Variants in UTRN observed in about 807,000 individuals in gnomAD.
The protein encoded by UTRN is dystrophin-related protein 1.
In UTRN, 283 loss-of-function variants were observed where a neutral mutation model predicts 463.9. The observed-to-expected ratio is 0.61, with a 90% CI of 0.55 to 0.67. The LOEUF (loss-of-function observed/expected upper bound fraction) is 0.67, where lower values mean the gene tolerates loss of function less well. Ranked by LOEUF, UTRN falls within the 30% of genes least tolerant of loss-of-function variation. The probability of loss-of-function intolerance (pLI) is 0.00; values close to 1 mark genes in which losing one functional copy is unlikely to be tolerated. For synonymous variants in UTRN, 1,442 were observed against 1,431.5 expected (o/e 1.01, Z -0.17); for missense variants, 3,922 against 4,084.3 (o/e 0.96, Z 1.08).
chr6:144,426,193 A>AG, intron 6 of UTRN, 94 bp from the exon 7 acceptor site: 1 of 1,422,292 alleles, frequency 7.0e-7, no homozygotes, highest in Non-Finnish European at 9.5e-7. Context: ...ATGGTTAATT[A>AG]GTGCAATATT....
Position 144,510,488 on chromosome 6 carries a change from A to G in UTRN, c.4765-456A>G, listed in dbSNP as rs117935235. Among the ~76,000 whole-genome samples, 4 of 152,308 alleles carry G rather than the reference A, an allele frequency of 2.6e-5. No homozygotes were observed. The East Asian group carries it at 5.8e-4, about 22-fold the overall frequency. ...TAAGATGTTATCCTTGCAAGTACCT[A>G]TAGTACACATCGATAGTTTCCTCTG... On this transcript the variant is annotated intron_variant, in intron 34 of 74. Coordinates refer to ENST00000367545, the MANE Select transcript of UTRN (RefSeq NM_007124.3).
chr6:144,573,673 G>C (rs902146385), intron 50 of UTRN, among the ~76,000 whole-genome samples: 1 of 151,434 alleles, frequency 6.6e-6, no homozygotes, highest in African/African-American at 2.4e-5. Context: ...TCCAGCCTTG[G>C]TGACAGAGCA....
intron 2 of UTRN, among the ~76,000 whole-genome samples, chr6:144,308,802 G>T (rs999715491): frequency 3.3e-5 from 5 of 152,186 alleles, no homozygotes; most frequent in East Asian, 1.9e-4. Flanking sequence ...TTACAAACAT[G>T]CTATTGTTTT....
chr6:144,547,080 A>G (rs1798481946), intron 46 of UTRN, among the ~76,000 whole-genome samples: 1 of 152,214 alleles, frequency 6.6e-6, no homozygotes, highest in African/African-American at 2.4e-5. Flanking sequence ...ATCTTAACCT[A>G]GAGCTTCTCA....
intron 51 of UTRN, among the ~76,000 whole-genome samples, chr6:144,645,620 A>G (rs919192944): frequency 2.6e-5 from 4 of 152,252 alleles, no homozygotes; most frequent in African/African-American, 9.6e-5. Context: ...GAGGAAATGC[A>G]TAAGAATCTG....
At chr6:144,631,883 T>C (rs899875356) in intron 51 of UTRN, among the ~76,000 whole-genome samples, 2 of 152,202 alleles carry the variant, frequency 1.3e-5, no homozygotes, top group African/African-American at 4.8e-5. Flanking sequence ...TTAGAGGGAA[T>C]GGAGGCTAAA....
At chr6:144,700,739 G>GTT (rs564541879) in intron 53 of UTRN, among the ~76,000 whole-genome samples, 4 of 137,232 alleles carry the variant, frequency 2.9e-5, no homozygotes, top group African/African-American at 8.0e-5. Context: ...AACTAACTTT[G>GTT]TTTTTTTTTT....
intron 39 of UTRN, among the ~76,000 whole-genome samples, chr6:144,521,294 C>T (rs531041498): frequency 1.5e-4 from 23 of 151,602 alleles, no homozygotes; most frequent in Admixed American, 4.6e-4. Context: ...CTGCACCCCC[C>T]CAAAAAAATA....
rs779829056 is a variant in UTRN, at chr6:144,577,118, G to T, written c.7309G>T (p.Ala2437Ser). Residue 2437 changes from alanine (A) to serine (S), a missense_variant, in exon 51 of 75, where the codon GCC becomes TCC. Physicochemically the swap from Ala to Ser is moderately conservative, Grantham distance 99. Coordinates refer to ENST00000367545, the MANE Select transcript of UTRN (RefSeq NM_007124.3). The stretch of plus-strand genomic sequence containing the variant: ...TTTCAGTATTGCTGACAGACAGAAC[G>T]CCTTGGAGGCTGAGTGGAGGACGGT... ...LKQSIADRQN[A>S]LEAEWRTVQA... 1.5e-5 allele frequency: 25 copies of T among 1,613,616 alleles called. No individual in the cohort carries two copies. Among genetic ancestry groups the T allele is most frequent in the Non-Finnish European group, 2.0e-5 (24 of 1,179,732 alleles).
At chr6:144,633,801 A>G (rs1776807211) in intron 51 of UTRN, among the ~76,000 whole-genome samples, 1 of 152,238 alleles carries the variant, frequency 6.6e-6, no homozygotes, top group African/African-American at 2.4e-5. Context: ...AAATTCTTTT[A>G]AAATGGTTTT....
At chr6:144,323,110 TA>T (rs1257428647) in intron 2 of UTRN, among the ~76,000 whole-genome samples, 4 of 152,116 alleles carry the variant, frequency 2.6e-5, no homozygotes, top group Non-Finnish European at 2.9e-5. Context: ...AAATCCAGTT[TA>T]AATGTGGAGA....
At chr6:144,442,911 A>G (rs923075981) in intron 13 of UTRN, among the ~76,000 whole-genome samples, 21 of 152,152 alleles carry the variant, frequency 1.4e-4, no homozygotes, top group African/African-American at 4.6e-4. Flanking sequence ...TCTACCCACT[A>G]CCTAAATCTA....
intron 58 of UTRN, among the ~76,000 whole-genome samples, chr6:144,763,808 G>A (rs141429458): frequency 2.3e-3 from 355 of 152,232 alleles, no homozygotes; most frequent in African/African-American, 8.1e-3. Context: ...GAATAAACCC[G>A]TAACAAAGGT....
intron 69 of UTRN, among the ~76,000 whole-genome samples, chr6:144,834,485 A>T (rs1780938057): frequency 6.6e-6 from 1 of 152,234 alleles, no homozygotes; most frequent in African/African-American, 2.4e-5. Flanking sequence ...CTCAATGCTT[A>T]GGATAAACCT....
At chr6:144,508,518 T>C (rs1217509618) in intron 34 of UTRN, among the ~76,000 whole-genome samples, 1 of 152,192 alleles carries the variant, frequency 6.6e-6, no homozygotes, top group Non-Finnish European at 1.5e-5. Flanking sequence ...CCCCAACCTC[T>C]TGCGCTTCCC....
In UTRN at chr6:144,533,100, A is replaced by T. The variant is rs149019901; in HGVS notation, c.6073A>T (p.Ile2025Phe). Residue 2025 changes from isoleucine to phenylalanine, a missense_variant, in exon 43 of 75, where the codon ATC (isoleucine) becomes TTC (phenylalanine). Around this residue, in one of 3 missense-constraint regions of UTRN, gnomAD observed 2,349 missense variants for 2,303.8 expected, o/e 1.02. Coordinates refer to ENST00000367545, the MANE Select transcript of UTRN (RefSeq NM_007124.3). ...RIHQQELEVG[I>F]SSHQPSFAAL... The stretch of plus-strand genomic sequence containing the variant: ...TCTGTTACAGGAACTTGAGGTGGGC[A>T]TCAGCAGCCACCAGCCCAGTTTTGC... The T allele has an allele frequency of 2.5e-6, 4 of 1,603,588 alleles. No individual in the cohort carries two copies. Among genetic ancestry groups the T allele is most frequent in the Admixed American group, 1.7e-5 (1 of 59,932 alleles).
intron 54 of UTRN, among the ~76,000 whole-genome samples, chr6:144,741,632 G>T (rs755438103): frequency 6.6e-6 from 1 of 152,166 alleles, no homozygotes; most frequent in South Asian, 2.1e-4. Context: ...CAGCCCAAAG[G>T]AATTCACTTG....
chr6:144,346,346 G>A (rs181931251), intron 2 of UTRN, among the ~76,000 whole-genome samples: 5 of 152,158 alleles, frequency 3.3e-5, no homozygotes, highest in African/African-American at 1.2e-4. Flanking sequence ...AAATTAAAAT[G>A]TATTTCAGTG....
At chr6:144,390,448 C>A (rs1159269828) in intron 2 of UTRN, among the ~76,000 whole-genome samples, 2 of 152,210 alleles carry the variant, frequency 1.3e-5, no homozygotes, top group Non-Finnish European at 2.9e-5. Flanking sequence ...TCATGTCACG[C>A]TCTTGCTCAG....
Sources: allele counts gnomAD v4.1 joint callset (sites outside exome capture counted in the v4.1 genomes callset), GRCh38; gene constraint gnomAD v4.1.1; regional missense constraint gnomAD v4.1.1; transcripts MANE v1.5; gene names NCBI Gene and HGNC (gene_info 2026-07-23, HGNC 2026-07-21).